The following IPO5 variants were observed in gnomAD, a reference collection of about 807,000 sequenced individuals.
IPO5 encodes the protein importin 5, also known as importin-5.
In IPO5, 18 loss-of-function variants were observed where a neutral mutation model predicts 143.3. The ratio of observed to expected loss-of-function variants is 0.13; its 90% confidence interval spans 0.09 to 0.19. The LOEUF (loss-of-function observed/expected upper bound fraction) is 0.19, where lower values mean the gene tolerates loss of function less well. Among genes scored for constraint, IPO5 ranks in the 10% least tolerant of loss-of-function variants. IPO5 has a pLI of 1.00. For synonymous variants in IPO5, 477 were observed against 465.7 expected, an observed-to-expected ratio of 1.02 and a Z score of -0.31; for missense variants, 1,013 against 1,336.9, an observed-to-expected ratio of 0.76 and a Z score of 3.78.
At chr13:98,004,025 C>T (rs1889009666) in intron 16 of IPO5, among the ~76,000 whole-genome samples, 2 of 152,164 alleles carry the variant, frequency 1.3e-5, no homozygotes, top group African/African-American at 4.8e-5. Context: ...TAGTCCAGCA[C>T]AGTGTGTGAG....
At chr13:98,012,223 T>C in intron 20 of IPO5, 23 bp from the exon 21 acceptor site, 1 of 1,368,000 alleles carries the variant, frequency 7.3e-7, no homozygotes, top group Non-Finnish European at 1.0e-6. Context: ...AATCTTTATT[T>C]CCTCCCAATA....
At position 98,022,463 on chromosome 13, in the gene IPO5, AT is replaced by A. The variant is rs1258347482; in HGVS notation, c.*642del. ...GCAGTAGTCTCTCATTCACTCCTCA[AT>A]AAACAACATTGAATACAAAAGAGGC... On this transcript the variant is annotated 3_prime_UTR_variant, in exon 29 of 29. Coordinates refer to ENST00000651721, the MANE Select transcript of IPO5 (RefSeq NM_002271.6). 1 of 152,660 alleles carries A rather than the reference AT, an allele frequency of 6.6e-6. No individual in the cohort carries two copies. Among genetic ancestry groups the A allele is most frequent in the Non-Finnish European group, 1.5e-5 (1 of 68,048 alleles). 9.5% of individuals were successfully genotyped at this position (152,660 alleles called of 1,614,324 possible). A position where few individuals can be genotyped will look rare whatever the true frequency, so the allele number is the denominator to read the frequency against.
intron 11 of IPO5, among the ~76,000 whole-genome samples, chr13:97,993,486 T>C (rs76590571): frequency 0.014 from 2,205 of 152,316 alleles, 49 homozygotes; most frequent in African/African-American, 0.051. Flanking sequence ...CTCTATCATT[T>C]ATATGTTAAT....
intron 4 of IPO5, among the ~76,000 whole-genome samples, chr13:97,978,963 G>T (rs1220856672): frequency 6.6e-6 from 1 of 152,068 alleles, no homozygotes; most frequent in East Asian, 1.9e-4. Context: ...CAGATACTAG[G>T]TTTTTACTTT....
At chr13:97,970,748 A>G (rs1050319449) in intron 3 of IPO5, among the ~76,000 whole-genome samples, 3 of 152,254 alleles carry the variant, frequency 2.0e-5, no homozygotes, top group African/African-American at 4.8e-5. Context: ...ATAGCCTTTA[A>G]TAGCTCTGTG....
chr13:97,996,844 A>G (rs190101704), intron 11 of IPO5, among the ~76,000 whole-genome samples: 1 of 152,136 alleles, frequency 6.6e-6, no homozygotes, highest in Non-Finnish European at 1.5e-5. Flanking sequence ...CGCCTGCCTC[A>G]GCCTCCCAAA....
intron 17 of IPO5, chr13:98,007,623 A>G (rs1342331528): frequency 6.5e-6 from 1 of 154,066 alleles, no homozygotes; most frequent in Non-Finnish European, 1.4e-5. Flanking sequence ...TGTATGTCCC[A>G]TACTCTATAT....
chr13:97,969,579 T>C, intron 2 of IPO5, 144 bp from the exon 3 acceptor site: 1 of 593,174 alleles, frequency 1.7e-6, no homozygotes, highest in South Asian at 2.1e-5. Context: ...CAAGAAAAGG[T>C]ATTTTTATTT....
intron 3 of IPO5, 67 bp downstream of exon 3, chr13:97,969,897 C>G (rs1477069415): frequency 6.5e-6 from 8 of 1,236,086 alleles, no homozygotes; most frequent in Admixed American, 5.4e-5. Flanking sequence ...CAAGGTCTCG[C>G]CATGTTGCCC....
chr13:97,998,178 T>C (rs1888459866), intron 12 of IPO5, among the ~76,000 whole-genome samples: 1 of 152,232 alleles, frequency 6.6e-6, no homozygotes, highest in Non-Finnish European at 1.5e-5. Context: ...GATTTCACCA[T>C]GTTAGCCAGG....
At chr13:97,996,664 G>A (rs1888318444) in intron 11 of IPO5, among the ~76,000 whole-genome samples, 1 of 152,126 alleles carries the variant, frequency 6.6e-6, no homozygotes, top group South Asian at 2.1e-4. Flanking sequence ...GTGCAGTGGT[G>A]TGATCTTGGC....
chr13:97,963,614 C>T (rs1256101249), intron 2 of IPO5, among the ~76,000 whole-genome samples: 2 of 151,996 alleles, frequency 1.3e-5, no homozygotes, highest in Admixed American at 6.6e-5. Flanking sequence ...ATGATCTGCC[C>T]GCCTCAGCCT....
intron 4 of IPO5, among the ~76,000 whole-genome samples, chr13:97,978,443 A>G (rs992174468): frequency 6.6e-6 from 1 of 152,194 alleles, no homozygotes; most frequent in Non-Finnish European, 1.5e-5. Flanking sequence ...TACTATGCGC[A>G]GGAGTACATG....
At chr13:97,959,605 G>A (rs778934232) in intron 2 of IPO5, among the ~76,000 whole-genome samples, 4 of 151,996 alleles carry the variant, frequency 2.6e-5, no homozygotes, top group Non-Finnish European at 5.9e-5. Context: ...GTGGTGGCGG[G>A]CGCCTATAGT....
In IPO5 at chr13:98,019,785, A is replaced by G. The variant is rs755640361; in HGVS notation, c.3041A>G (p.Asn1014Ser). Residue 1014 changes from asparagine to serine, a missense_variant, in exon 27 of 29, where the codon AAT becomes AGT. Around this residue, in one of 2 missense-constraint regions of IPO5, gnomAD observed 685 missense variants for 994.9 expected, o/e 0.69. Transcript: ENST00000651721. ...EDKEEAVQTF[N>S]YLCDLIESNH... ...AAAGAAGAAGCTGTTCAGACTTTCA[A>G]TTATCTGTGTGACCTGATTGAAAGG... The G allele has an allele frequency of 3.3e-5, 54 of 1,612,632 alleles. No homozygotes were observed. The highest frequency in any genetic ancestry group is 6.7e-5 in the Admixed American group (4 of 60,024).
chr13:97,975,918 G>C (rs1416388647), intron 3 of IPO5: 29 of 985,418 alleles, frequency 2.9e-5, no homozygotes, highest in Non-Finnish European at 3.0e-5. Context: ...TGGAGAGCGC[G>C]ACGGGAGGAA....
chr13:98,019,574 A>G lies in IPO5; in HGVS notation c.2837-7A>G, dbSNP rs747275653. The G allele has an allele frequency of 1.3e-6, 2 of 1,598,692 alleles. No individual in the cohort carries two copies. Among genetic ancestry groups the G allele is most frequent in the South Asian group, 2.2e-5 (2 of 89,962 alleles). On this transcript the variant is annotated splice_polypyrimidine_tract_variant and splice_region_variant and intron_variant, in intron 26 of 28. Transcript: ENST00000651721. The stretch of plus-strand genomic sequence containing the variant: ...TTAGCTGAACTTCTTTCAAATGCTT[A>G]TTTTAGAAGCACTTCCCCTGCTGGT...
intron 3 of IPO5, among the ~76,000 whole-genome samples, chr13:97,970,600 G>A (rs767680986): frequency 1.3e-5 from 2 of 152,042 alleles, no homozygotes; most frequent in East Asian, 1.9e-4. Context: ...CAGCCTGGGC[G>A]ACAGAGTGGG....
chr13:97,975,926 G>C (rs1190122832), intron 3 of IPO5: 5 of 985,540 alleles, frequency 5.1e-6, no homozygotes, highest in Non-Finnish European at 6.0e-6. Context: ...GCGACGGGAG[G>C]AAGGGGCGCC....
Sources: gnomAD v4.1 joint callset for allele counts (sites outside exome capture counted in the v4.1 genomes callset) on GRCh38, gnomAD v4.1.1 for gene constraint, gnomAD v4.1.1 regional missense constraint, MANE v1.5 for transcripts, NCBI Gene and HGNC (gene_info 2026-07-23, HGNC 2026-07-21) for gene names.